The following F13A1 variants were observed in gnomAD, a reference collection of about 807,000 sequenced individuals.
F13A1 encodes the protein FSF, A subunit.
A neutral mutation model predicts 80.1 loss-of-function variants in F13A1; 47 were observed. The ratio of observed to expected loss-of-function variants is 0.59; its 90% CI spans 0.46 to 0.75. The LOEUF is 0.75. F13A1 is among the 30% of genes least tolerant of loss of function. The pLI, the probability that F13A1 is intolerant of heterozygous loss-of-function variation, is 0.00. For missense variants in F13A1, 817 were observed against 930.4 expected, an observed-to-expected ratio of 0.88 and a Z score of 1.59; for synonymous variants, 349 against 344.9, an observed-to-expected ratio of 1.01 and a Z score of -0.13.
intron 10 of F13A1, among the ~76,000 whole-genome samples, chr6:6,195,427 G>A (rs1363909332): frequency 6.6e-6 from 1 of 152,208 alleles, no homozygotes; most frequent in African/African-American, 2.4e-5. Flanking sequence ...AGTCCCAGAG[G>A]GAAGTGGCAT....
chr6:6,212,143 G>T (rs1469767890), intron 8 of F13A1, among the ~76,000 whole-genome samples: 1 of 152,244 alleles, frequency 6.6e-6, no homozygotes, highest in Non-Finnish European at 1.5e-5. Context: ...GGTAAACAAA[G>T]CGGCCAGGAA....
At chr6:6,302,601 G>C (rs1758450161) in intron 3 of F13A1, among the ~76,000 whole-genome samples, 1 of 152,214 alleles carries the variant, frequency 6.6e-6, no homozygotes, top group South Asian at 2.1e-4. Flanking sequence ...TGCAGGACCA[G>C]AAGTAGCCCT....
At chr6:6,239,743 C>T (rs1757461411) in intron 6 of F13A1, among the ~76,000 whole-genome samples, 1 of 152,112 alleles carries the variant, frequency 6.6e-6, no homozygotes. Context: ...TCAAGGTCTC[C>T]AAGTGTGGCC....
At chr6:6,298,904 G>A (rs1758375418) in intron 3 of F13A1, among the ~76,000 whole-genome samples, 1 of 148,488 alleles carries the variant, frequency 6.7e-6, no homozygotes, top group Non-Finnish European at 1.5e-5. Context: ...TCCTTTCCAT[G>A]TTTAGCGCTT....
chr6:6,267,029 T>G (rs1172346580), intron 3 of F13A1, among the ~76,000 whole-genome samples: 2 of 152,198 alleles, frequency 1.3e-5, no homozygotes, highest in African/African-American at 4.8e-5. Flanking sequence ...CTATAAAGCA[T>G]GTAGAGGATT....
rs1335121883 is a variant in F13A1 at position 6,289,340 on chromosome 6, A to G, written c.319+16011T>C. Among the ~76,000 whole-genome samples, 3 of 152,222 alleles carry G rather than the reference A, an allele frequency of 2.0e-5. No individual in the cohort carries two copies. In the East Asian group the frequency reaches 5.8e-4, roughly 29 times the overall value. Reference sequence around the variant, plus strand: ...CTGTCATCCCTGAGATGGCCTACAAATGGCAGAGGGCCAGCCACTGGGGCA... The same window carrying G: ...CTGTCATCCCTGAGATGGCCTACAAGTGGCAGAGGGCCAGCCACTGGGGCA... On this transcript the variant is annotated intron_variant, in intron 3 of 14. Coordinates refer to ENST00000264870, the MANE Select transcript of F13A1 (RefSeq NM_000129.4).
At chr6:6,311,547 C>T (rs1203623651) in intron 2 of F13A1, among the ~76,000 whole-genome samples, 1 of 123,792 alleles carries the variant, frequency 8.1e-6, no homozygotes. Flanking sequence ...AAAACCCCAG[C>T]TCATGGGTTT....
rs571307300 is a variant in F13A1 at position 6,281,865 on chromosome 6, C to T, written c.320-15056G>A. ...TAAATTAGCCAGGCCTGGTGGCGGG[C>T]GCCTGTAGTCCCCAGCTACCCAGGA... On this transcript the variant is annotated intron_variant, in intron 3 of 14. Coordinates refer to ENST00000264870, the MANE Select transcript of F13A1 (RefSeq NM_000129.4). Among the ~76,000 whole-genome samples, 26 of 151,920 alleles carry T rather than the reference C, an allele frequency of 1.7e-4. 1 individual carries two copies. In the South Asian group the frequency reaches 4.6e-3, roughly 27 times the overall value.
intron 8 of F13A1, among the ~76,000 whole-genome samples, chr6:6,212,641 T>C (rs1452359809): frequency 1.2e-4 from 18 of 152,212 alleles, no homozygotes; most frequent in African/African-American, 3.9e-4. Flanking sequence ...TCCAAAGGAA[T>C]GCAGTTCCTC....
chr6:6,269,720 T>C (rs552650149), intron 3 of F13A1, among the ~76,000 whole-genome samples: 8 of 152,142 alleles, frequency 5.3e-5, no homozygotes, highest in African/African-American at 1.9e-4. Flanking sequence ...TTGTTTTATT[T>C]TGTTTTGTTT....
chr6:6,144,278 T>C lies in F13A1; in HGVS notation c.*1341A>G, dbSNP rs1023188862. ...TATAGAGGGGACCAGCTCACCCTCA[T>C]AGGTTAGTGCTGAAGGCTCAGGAAC... On this transcript the variant is annotated 3_prime_UTR_variant, in exon 15 of 15. Coordinates refer to ENST00000264870, the MANE Select transcript of F13A1 (RefSeq NM_000129.4). The C allele has an allele frequency of 6.6e-6, 1 of 152,168 alleles. No individual in the cohort carries two copies. Among genetic ancestry groups the C allele is most frequent in the Admixed American group, 6.5e-5 (1 of 15,270 alleles). The allele number at this position is 152,168 out of a possible 1,614,324, so 9.4% of individuals were successfully genotyped here.
rs1757513296 is a variant in F13A1, at chr6:6,243,441, A to T, written c.798+4871T>A. Among the ~76,000 whole-genome samples the T allele has an allele frequency of 6.6e-6, 1 of 152,166 alleles. No individual in the cohort carries two copies. Among genetic ancestry groups the T allele is most frequent in the African/African-American group, 2.4e-5 (1 of 41,430 alleles). ...TTGGAAGCTCATTCTCCAGGGCCCC[A>T]GTGCCTATGGCTATTTAGAATCCTC... On this transcript the variant is annotated intron_variant, in intron 6 of 14. Coordinates refer to ENST00000264870, the MANE Select transcript of F13A1 (RefSeq NM_000129.4). The surrounding 1 kb of genome is among the most constrained non-coding windows in gnomAD (Gnocchi z 4.2).
intron 6 of F13A1, among the ~76,000 whole-genome samples, chr6:6,230,308 G>T (rs1373797625): frequency 6.6e-6 from 1 of 152,068 alleles, no homozygotes; most frequent in Non-Finnish European, 1.5e-5. Flanking sequence ...GGTGACTCCT[G>T]TGACTGCCAG....
At chr6:6,202,750 A>G (rs139854217) in intron 8 of F13A1, among the ~76,000 whole-genome samples, 1 of 152,370 alleles carries the variant, frequency 6.6e-6, no homozygotes, top group African/African-American at 2.4e-5. Context: ...TGACAAGTGA[A>G]GAACACATCT....
At chr6:6,293,929 T>C (rs1001184447) in intron 3 of F13A1, among the ~76,000 whole-genome samples, 10 of 152,014 alleles carry the variant, frequency 6.6e-5, no homozygotes, top group Non-Finnish European at 1.2e-4. Flanking sequence ...ATATCTCAGC[T>C]CATCTATACA....
intron 2 of F13A1, among the ~76,000 whole-genome samples, chr6:6,306,423 C>T (rs2113185756): frequency 6.6e-6 from 1 of 152,314 alleles, no homozygotes; most frequent in Admixed American, 6.5e-5. Context: ...TAACATGTTC[C>T]ACTTCTTACA....
rs1437277389 is a variant in F13A1 at position 6,218,486 on chromosome 6, C to T, written c.1112+3547G>A. 2.6e-5 allele frequency among the ~76,000 whole-genome samples: 4 copies of T among 152,290 alleles called. No individual in the cohort carries two copies. In the South Asian group the frequency reaches 6.2e-4, roughly 24 times the overall value. On this transcript the variant is annotated intron_variant, in intron 8 of 14. Transcript: ENST00000264870. ...CATCAGCACGCTGGGGACAGGCGGC[C>T]GAAATTGCTCCTTCTGGGATCTGCT...
chr6:6,266,901 T>G (rs1187575582), intron 3 of F13A1, 92 bp from the exon 4 acceptor site: 1 of 1,532,878 alleles, frequency 6.5e-7, no homozygotes, highest in Non-Finnish European at 9.0e-7. Context: ...GGGACAGGAG[T>G]AATCCATTAG....
chr6:6,234,109 T>A (rs1267841), intron 6 of F13A1, among the ~76,000 whole-genome samples: 23,671 of 151,856 alleles, frequency 0.16, 2,055 homozygotes, highest in African/African-American at 0.22. Flanking sequence ...GAGCAATAAG[T>A]TAAGAGAAAG....
Sources: allele counts gnomAD v4.1 joint callset (sites outside exome capture counted in the v4.1 genomes callset), GRCh38; gene constraint gnomAD v4.1.1; non-coding constraint Gnocchi (gnomAD v3.1); transcripts MANE v1.5; gene names NCBI Gene and HGNC (gene_info 2026-07-23, HGNC 2026-07-21).